Variants in GABRB2 observed in about 807,000 individuals in gnomAD.
GABRB2 encodes gamma-aminobutyric acid type A receptor subunit beta2, also known as gamma-aminobutyric acid receptor subunit beta-2.
A neutral mutation model predicts 54.7 loss-of-function variants in GABRB2; 16 were observed. The ratio of observed to expected loss-of-function variants is 0.29; its 90% CI spans 0.20 to 0.44. The LOEUF (loss-of-function observed/expected upper bound fraction) is 0.44, where lower values mean the gene tolerates loss of function less well. GABRB2 is among the 20% of genes least tolerant of loss of function. The pLI, the probability that GABRB2 is intolerant of heterozygous loss-of-function variation, is 1.00. For synonymous variants in GABRB2, 244 were observed against 233.8 expected (o/e 1.04, Z -0.40); for missense variants, 355 against 644.0 (o/e 0.55, Z 4.86).
intron 3 of GABRB2, among the ~76,000 whole-genome samples, chr5:161,533,977 T>C (rs1422579718): frequency 6.6e-6 from 1 of 152,196 alleles, no homozygotes; most frequent in Non-Finnish European, 1.5e-5. Flanking sequence ...GATAGGGATA[T>C]AGATAATATT....
At chr5:161,333,774 A>G (rs1438799589) in intron 7 of GABRB2, among the ~76,000 whole-genome samples, 1 of 152,152 alleles carries the variant, frequency 6.6e-6, no homozygotes, top group Non-Finnish European at 1.5e-5. Flanking sequence ...TCACCCAGGT[A>G]TCCACATTGC....
intron 9 of GABRB2, among the ~76,000 whole-genome samples, chr5:161,320,389 A>G (rs559674739): frequency 1.3e-4 from 20 of 151,906 alleles, no homozygotes; most frequent in Admixed American, 1.3e-3. Flanking sequence ...CTTGTACATA[A>G]AAGAGTTTAT....
intron 9 of GABRB2, among the ~76,000 whole-genome samples, chr5:161,317,141 ACACT>A (rs1210337914): frequency 2.6e-5 from 4 of 152,168 alleles, no homozygotes; most frequent in African/African-American, 9.7e-5. Context: ...ACACAGACAC[ACACT>A]CACACGCTTA....
At chr5:161,344,732 GACACATGT>G (rs1398698039) in intron 5 of GABRB2, among the ~76,000 whole-genome samples, 1 of 151,944 alleles carries the variant, frequency 6.6e-6, no homozygotes, top group African/African-American at 2.4e-5. Flanking sequence ...CTACTATAAA[GACACATGT>G]ACGCATATGT....
chr5:161,331,202 T>C, intron 7 of GABRB2, 75 bp from the exon 8 acceptor site: 1 of 1,462,236 alleles, frequency 6.8e-7, no homozygotes, highest in Non-Finnish European at 9.2e-7. Flanking sequence ...GGAAAGGTGA[T>C]CTATATTCAT....
At chr5:161,546,193 T>A in intron 2 of GABRB2, 129 bp downstream of exon 2, 1 of 706,032 alleles carries the variant, frequency 1.4e-6, no homozygotes. Context: ...AGTTTCTCAA[T>A]ATGGTAAAAT....
intron 5 of GABRB2, among the ~76,000 whole-genome samples, chr5:161,406,708 C>T (rs570798384): frequency 6.6e-6 from 1 of 152,156 alleles, no homozygotes; most frequent in African/African-American, 2.4e-5. Flanking sequence ...TTGCCAGTGT[C>T]TCTCAGGTAA....
intron 5 of GABRB2, among the ~76,000 whole-genome samples, chr5:161,365,417 A>G (rs1754943705): frequency 6.6e-6 from 1 of 152,146 alleles, no homozygotes; most frequent in Non-Finnish European, 1.5e-5. Context: ...TTATTTTGTA[A>G]TATACATTTC....
At chr5:161,541,368 A>C (rs2113477786) in intron 3 of GABRB2, among the ~76,000 whole-genome samples, 1 of 152,258 alleles carries the variant, frequency 6.6e-6, no homozygotes, top group East Asian at 1.9e-4. Flanking sequence ...TTAACACCTA[A>C]CAAAAGTCAA....
At chr5:161,534,189 T>A (rs1375869226) in intron 3 of GABRB2, among the ~76,000 whole-genome samples, 1 of 152,196 alleles carries the variant, frequency 6.6e-6, no homozygotes, top group Non-Finnish European at 1.5e-5. Flanking sequence ...TTGATAATTT[T>A]TGAAGACATT....
intron 5 of GABRB2, among the ~76,000 whole-genome samples, chr5:161,360,325 C>T (rs988448120): frequency 6.6e-6 from 1 of 151,968 alleles, no homozygotes; most frequent in African/African-American, 2.4e-5. Context: ...AGGAAGAAAA[C>T]AAAGAACACT....
intron 3 of GABRB2, among the ~76,000 whole-genome samples, chr5:161,524,905 C>G (rs561060745): frequency 6.6e-6 from 1 of 151,108 alleles, no homozygotes. Flanking sequence ...ATAGCTCATT[C>G]GAGTAAAGTC....
chr5:161,479,867 T>C (rs1180384243), intron 3 of GABRB2, among the ~76,000 whole-genome samples: 2 of 152,018 alleles, frequency 1.3e-5, no homozygotes, highest in African/African-American at 4.8e-5. Context: ...GGATTACAGG[T>C]GTGAGTCACC....
chr5:161,436,980 C>T (rs1444777693), intron 4 of GABRB2, among the ~76,000 whole-genome samples: 1 of 152,156 alleles, frequency 6.6e-6, no homozygotes, highest in East Asian at 1.9e-4. Flanking sequence ...TCCCAGCAGT[C>T]CAAACTTGAG....
At chr5:161,314,686 C>T (rs1461567167) in intron 9 of GABRB2, among the ~76,000 whole-genome samples, 1 of 151,870 alleles carries the variant, frequency 6.6e-6, no homozygotes, top group Non-Finnish European at 1.5e-5. Context: ...TTTCTCTCTC[C>T]CCCCTCTTTC....
chr5:161,539,451 T>C (rs935063119), intron 3 of GABRB2, among the ~76,000 whole-genome samples: 46 of 152,166 alleles, frequency 3.0e-4, no homozygotes, highest in African/African-American at 1.1e-3. Flanking sequence ...TTCCTCATGA[T>C]TTTCTAGATT....
intron 5 of GABRB2, among the ~76,000 whole-genome samples, chr5:161,378,367 T>A (rs1370221568): frequency 1.3e-5 from 2 of 152,178 alleles, no homozygotes; most frequent in African/African-American, 2.4e-5. Context: ...AACTTCTAGA[T>A]GAATTAAGCC....
chr5:161,490,392 G>A (rs1027299936), intron 3 of GABRB2, among the ~76,000 whole-genome samples: 1 of 151,594 alleles, frequency 6.6e-6, no homozygotes, highest in Non-Finnish European at 1.5e-5. Flanking sequence ...GTTCACAAGG[G>A]TGGTTTACAG....
At chr5:161,336,233 C>T (rs545591611) in intron 6 of GABRB2, among the ~76,000 whole-genome samples, 21 of 152,168 alleles carry the variant, frequency 1.4e-4, no homozygotes, top group Non-Finnish European at 2.5e-4. Flanking sequence ...GAGAATTTCA[C>T]GTGATCAGAC....
Sources: gnomAD v4.1 joint callset for allele counts (sites outside exome capture counted in the v4.1 genomes callset) on GRCh38, gnomAD v4.1.1 for gene constraint, MANE v1.5 for transcripts, NCBI Gene and HGNC (gene_info 2026-07-23, HGNC 2026-07-21) for gene names.